Variants in GRIP1 observed in about 807,000 individuals in gnomAD.
GRIP1 encodes glutamate receptor interacting protein 1, also known as glutamate receptor-interacting protein 1.
A neutral mutation model predicts 129.9 loss-of-function variants in GRIP1; 45 were observed. That is an observed-to-expected ratio of 0.35 (90% CI 0.27 to 0.44). GRIP1 has a LOEUF of 0.44. GRIP1 is among the 20% of genes least tolerant of loss of function. The probability of loss-of-function intolerance (pLI) is 1.00; values close to 1 mark genes in which losing one functional copy is unlikely to be tolerated. For synonymous variants in GRIP1, 530 were observed against 520.8 expected, an observed-to-expected ratio of 1.02 and a Z score of -0.24; for missense variants, 1,196 against 1,396.8, an observed-to-expected ratio of 0.86 and a Z score of 2.29.
chr12:66,541,967 A>G lies in GRIP1; in HGVS notation c.137-17T>C. The G allele has an allele frequency of 1.2e-6, 2 of 1,612,540 alleles. No individual in the cohort carries two copies. The highest frequency in any genetic ancestry group is 1.7e-6 in the Non-Finnish European group (2 of 1,178,658). On this transcript the variant is annotated splice_polypyrimidine_tract_variant and intron_variant, in intron 2 of 24. Transcript: ENST00000359742. The stretch of plus-strand genomic sequence containing the variant: ...TGAATTCCTCTGTTAAAAGAAAAGC[A>G]TTTGCCTTATTAAAATGAGAGTAGA...
intron 20 of GRIP1, among the ~76,000 whole-genome samples, chr12:66,377,861 G>A (rs1035803840): frequency 2.6e-5 from 4 of 151,978 alleles, no homozygotes; most frequent in African/African-American, 9.7e-5. Context: ...TAAATGGGCT[G>A]CAGCCACATG....
At chr12:66,457,629 A>G (rs773917960) in intron 9 of GRIP1, among the ~76,000 whole-genome samples, 4 of 152,220 alleles carry the variant, frequency 2.6e-5, no homozygotes, top group Non-Finnish European at 5.9e-5. Flanking sequence ...GAATATGTAG[A>G]GAGGTGAAAT....
chr12:66,593,382 A>G (rs1269069542), intron 2 of GRIP1, among the ~76,000 whole-genome samples: 1 of 152,200 alleles, frequency 6.6e-6, no homozygotes, highest in Non-Finnish European at 1.5e-5. Context: ...TAGGAGTCAT[A>G]TATTTTGACA....
chr12:66,565,016 G>C (rs2062696696), intron 2 of GRIP1, among the ~76,000 whole-genome samples: 1 of 152,222 alleles, frequency 6.6e-6, no homozygotes, highest in Non-Finnish European at 1.5e-5. Flanking sequence ...GTAGATTCTG[G>C]ATATTAGCCC....
At chr12:66,892,253 C>T (rs2040673060) in intron 1 of GRIP1, among the ~76,000 whole-genome samples, 1 of 152,144 alleles carries the variant, frequency 6.6e-6, no homozygotes, top group Non-Finnish European at 1.5e-5. Context: ...ATCACCAATT[C>T]CACCTTGGTC....
chr12:66,933,611 T>C (rs2137415979), intron 1 of GRIP1, among the ~76,000 whole-genome samples: 1 of 152,200 alleles, frequency 6.6e-6, no homozygotes, highest in South Asian at 2.1e-4. Context: ...AAGGACACAA[T>C]AATGAAATGA....
intron 1 of GRIP1, among the ~76,000 whole-genome samples, chr12:66,864,249 T>C (rs886180535): frequency 1.3e-5 from 2 of 152,032 alleles, no homozygotes; most frequent in Admixed American, 1.3e-4. Context: ...GATTTTTGAG[T>C]ACATGTCCTA....
At position 66,945,506 on chromosome 12, in the gene GRIP1, A is replaced by G. The variant is rs1447677565; in HGVS notation, c.58+123544T>C. Among the ~76,000 whole-genome samples, 3 of 152,136 alleles carry G rather than the reference A, an allele frequency of 2.0e-5. No homozygotes were observed. In the East Asian group the frequency reaches 5.8e-4, roughly 29 times the overall value. On this transcript the variant is annotated intron_variant, in intron 1 of 1. Coordinates refer to the GRIP1 transcript ENST00000643019. Reference sequence around the variant, plus strand: ...TCTGGGGAGGCCTTAGGAAGCTTACAATCACAGCAAGGGGAGAAGTCCTCT... The same window carrying G: ...TCTGGGGAGGCCTTAGGAAGCTTACGATCACAGCAAGGGGAGAAGTCCTCT...
rs1397759882 is a variant in GRIP1 at position 66,730,782 on chromosome 12, G to A, written c.-420+73271C>T. 2.0e-5 allele frequency among the ~76,000 whole-genome samples: 3 copies of A among 149,608 alleles called. No homozygotes were observed. The Admixed American group carries it at 2.0e-4, about 10-fold the overall frequency. ...GGAGAAGGTGACGGACCACAGTACT[G>A]AACTGTTATGCAGGAAAAGTACTTA... On this transcript the variant is annotated intron_variant, in intron 1 of 4. Coordinates refer to the GRIP1 transcript ENST00000538373.
intron 2 of GRIP1, among the ~76,000 whole-genome samples, chr12:66,579,168 A>G (rs2063270874): frequency 6.6e-6 from 1 of 152,240 alleles, no homozygotes; most frequent in African/African-American, 2.4e-5. Context: ...GTGGACCTCT[A>G]GCAAACTCCA....
At chr12:66,464,574 T>C (rs2059227969) in intron 8 of GRIP1, among the ~76,000 whole-genome samples, 1 of 152,220 alleles carries the variant, frequency 6.6e-6, no homozygotes, top group South Asian at 2.1e-4. Flanking sequence ...AACCCATCAC[T>C]GCTCTGCATG....
At chr12:67,014,470 A>G (rs554639764) in intron 1 of GRIP1, among the ~76,000 whole-genome samples, 2 of 152,326 alleles carry the variant, frequency 1.3e-5, no homozygotes, top group South Asian at 4.1e-4. Context: ...GGAGACAAAA[A>G]TTCAGCAGCA....
chr12:66,944,346 C>T (rs2041632758), intron 1 of GRIP1, among the ~76,000 whole-genome samples: 1 of 152,104 alleles, frequency 6.6e-6, no homozygotes, highest in African/African-American at 2.4e-5. Context: ...GAGGCTGCTA[C>T]AAAAAGTCTA....
At chr12:66,504,106 G>A (rs903383476) in intron 7 of GRIP1, among the ~76,000 whole-genome samples, 3 of 152,048 alleles carry the variant, frequency 2.0e-5, no homozygotes, top group African/African-American at 7.2e-5. Flanking sequence ...CCATCAAGAG[G>A]GGCAGTCTGA....
At chr12:67,010,147 A>C (rs1051848690) in intron 1 of GRIP1, among the ~76,000 whole-genome samples, 2 of 152,172 alleles carry the variant, frequency 1.3e-5, no homozygotes, top group Non-Finnish European at 2.9e-5. Flanking sequence ...ATGAAGACAA[A>C]AGGATATATA....
intron 1 of GRIP1, among the ~76,000 whole-genome samples, chr12:67,047,446 T>C (rs1297066967): frequency 6.6e-6 from 1 of 152,140 alleles, no homozygotes; most frequent in African/African-American, 2.4e-5. Context: ...GAGGTCAATA[T>C]GTATACAATT....
chr12:66,814,671 T>A (rs547326587), intron 1 of GRIP1, among the ~76,000 whole-genome samples: 3 of 150,184 alleles, frequency 2.0e-5, no homozygotes, highest in Non-Finnish European at 4.4e-5. Context: ...AAAAATTAAA[T>A]AAATAAATCA....
At chr12:66,388,357 A>C (rs139015369) in intron 19 of GRIP1, among the ~76,000 whole-genome samples, 1 of 152,316 alleles carries the variant, frequency 6.6e-6, no homozygotes, top group African/African-American at 2.4e-5. Context: ...ATGACCTCAA[A>C]AGGGAGAAAA....
At chr12:66,538,965 A>G (rs1203646314) in intron 4 of GRIP1, 113 bp downstream of exon 4, 17 of 839,770 alleles carry the variant, frequency 2.0e-5, no homozygotes, top group Non-Finnish European at 3.4e-5. Context: ...ATAAGTATGT[A>G]TGTATAGAAA....
Sources: allele counts gnomAD v4.1 joint callset (sites outside exome capture counted in the v4.1 genomes callset), GRCh38; gene constraint gnomAD v4.1.1; transcripts MANE v1.5; gene names NCBI Gene and HGNC (gene_info 2026-07-23, HGNC 2026-07-21).